The following JAM2 variants were observed in gnomAD, a reference collection of about 807,000 sequenced individuals.
JAM2 encodes junctional adhesion molecule 2.
A neutral mutation model predicts 42.0 loss-of-function variants in JAM2; 17 were observed. The ratio of observed to expected loss-of-function variants is 0.40; its 90% CI spans 0.28 to 0.61. JAM2 has a LOEUF of 0.61. JAM2 is among the 20% of genes least tolerant of loss of function. JAM2 has a pLI of 0.37. For missense variants in JAM2, 319 were observed against 358.3 expected, an observed-to-expected ratio of 0.89 and a Z score of 0.89; for synonymous variants, 118 against 128.6, an observed-to-expected ratio of 0.92 and a Z score of 0.56.
In JAM2 at chr21:25,709,778, G is replaced by A. The variant is rs2034345746; in HGVS notation, c.821+329G>A. 3 of 216,254 alleles carry A rather than the reference G, an allele frequency of 1.4e-5. No homozygotes were observed. In the South Asian group the frequency reaches 4.6e-4, roughly 33 times the overall value. 13.4% of individuals were successfully genotyped at this position (216,254 alleles called of 1,614,324 possible). ...ATGGCTGAAGGCAAAGCGGGAGCAG[G>A]CACGTCACATGGCAAAAGCAGGAGC... On this transcript the variant is annotated intron_variant, in intron 8 of 9. Transcript: ENST00000480456.
chr21:25,698,188 A>C (rs946812919), intron 4 of JAM2, among the ~76,000 whole-genome samples: 3 of 152,220 alleles, frequency 2.0e-5, no homozygotes, highest in African/African-American at 7.2e-5. Flanking sequence ...TTTCTCACTT[A>C]AGTAAAGCCT....
At position 25,689,945 on chromosome 21, in the gene JAM2, C is replaced by T; in HGVS notation, c.213C>T (p.Ser71=). ...LEWKKLGRSV[S]FVYYQQTLQG... is the part of the protein sequence containing the mutation. Reference sequence around the variant, plus strand: ...GGAAGAAACTGGGTCGGAGTGTCTCCTTTGTCTACTATCAACAGACTCTTC... The same window carrying T: ...GGAAGAAACTGGGTCGGAGTGTCTCTTTTGTCTACTATCAACAGACTCTTC... Residue 71 remains serine (S), a synonymous_variant, in exon 3 of 10, where the codon TCC becomes TCT. Coordinates refer to ENST00000480456, the MANE Select transcript of JAM2 (RefSeq NM_021219.4). 6.2e-7 allele frequency: 1 copy of T among 1,612,152 alleles called. No individual in the cohort carries two copies. Among genetic ancestry groups the T allele is most frequent in the Non-Finnish European group, 8.5e-7 (1 of 1,178,368 alleles).
At chr21:25,694,015 C>T (rs1311756382) in intron 4 of JAM2, 107 bp downstream of exon 4, 2 of 1,054,682 alleles carry the variant, frequency 1.9e-6, no homozygotes, top group East Asian at 5.1e-5. Context: ...CAACTGGGAG[C>T]CTCAACCAGT....
rs2033155952 is a variant in JAM2 at position 25,664,053 on chromosome 21, T to C, written c.68-19830T>C. On this transcript the variant is annotated intron_variant, in intron 1 of 9. Transcript: ENST00000480456. ...CTTAATGTAGGAAAGAACCCCACTA[T>C]GATTCTCCAAGGAAACTTCTTGAAA... Among the ~76,000 whole-genome samples the C allele has an allele frequency of 2.0e-5, 3 of 152,180 alleles. No individual in the cohort carries two copies. In the South Asian group the frequency reaches 6.2e-4, roughly 32 times the overall value.
chr21:25,687,327 G>A (rs1396212069), intron 2 of JAM2, among the ~76,000 whole-genome samples: 1 of 152,070 alleles, frequency 6.6e-6, no homozygotes, highest in African/African-American at 2.4e-5. Flanking sequence ...TTACAGATGT[G>A]GATATAATGT....
chr21:25,698,713 C>G lies in JAM2; in HGVS notation c.431C>G (p.Ser144Cys), dbSNP rs2123398821. The G allele has an allele frequency of 6.2e-7, 1 of 1,614,180 alleles. No homozygotes were observed. Among genetic ancestry groups the G allele is most frequent in the East Asian group, 2.2e-5 (1 of 44,886 alleles). ...PAVPSCEVPS[S>C]ALSGTVVELR... ...GTTCCATCATGTGAAGTACCCTCTT[C>G]TGCTCTGAGTGGAACTGTGGTAGAG... The change falls in exon 5 of 10, where the codon TCT (serine) becomes TGT (cysteine). Residue 144 changes from serine to cysteine, a missense_variant. Coordinates refer to ENST00000480456, the MANE Select transcript of JAM2 (RefSeq NM_021219.4).
chr21:25,689,689 G>A (rs2033833562), intron 2 of JAM2, among the ~76,000 whole-genome samples, 177 bp from the exon 3 acceptor site: 1 of 152,198 alleles, frequency 6.6e-6, no homozygotes, highest in Non-Finnish European at 1.5e-5. Context: ...CAGTTACTAT[G>A]TGGAAGAGCT....
Position 25,716,777 on chromosome 21 carries a change from C to T in JAM2, c.*2105C>T, listed in dbSNP as rs2034488345. On this transcript the variant is annotated 3_prime_UTR_variant, in exon 10 of 10. Coordinates refer to ENST00000480456, the MANE Select transcript of JAM2 (RefSeq NM_021219.4). ...CATGGTGGTGAAGTACAGAAAAAAA[C>T]ACCTGTCTACAAGCTTTTGTAAGAA... 6.6e-6 allele frequency: 1 copy of T among 152,172 alleles called. No individual in the cohort carries two copies. Among genetic ancestry groups the T allele is most frequent in the Non-Finnish European group, 1.5e-5 (1 of 68,036 alleles). The allele number at this position is 152,172 out of a possible 1,614,324, so 9.4% of individuals were successfully genotyped here.
chr21:25,715,871 A>C lies in JAM2; in HGVS notation c.*1199A>C, dbSNP rs1193430944. On this transcript the variant is annotated 3_prime_UTR_variant, in exon 10 of 10. Transcript: ENST00000480456. Reference sequence around the variant, plus strand: ...ATTTGTAACTTCTTTTAATTACTGAATTGATATTAAAAACAAAATATGGCT... The same window carrying C: ...ATTTGTAACTTCTTTTAATTACTGACTTGATATTAAAAACAAAATATGGCT... 6.6e-6 allele frequency: 1 copy of C among 152,144 alleles called. No individual in the cohort carries two copies. The highest frequency in any genetic ancestry group is 1.5e-5 in the Non-Finnish European group (1 of 68,012). 9.4% of individuals were successfully genotyped at this position (152,144 alleles called of 1,614,324 possible). A position where few individuals can be genotyped will look rare whatever the true frequency, so the allele number is the denominator to read the frequency against.
In JAM2 at chr21:25,714,823, GAACTTGCTATTTTA is replaced by G. The variant is rs2034450976; in HGVS notation, c.*155_*168del. 3 of 507,052 alleles carry G rather than the reference GAACTTGCTATTTTA, an allele frequency of 5.9e-6. No individual in the cohort carries two copies. Among genetic ancestry groups the G allele is most frequent in the Non-Finnish European group, 7.0e-6 (2 of 286,096 alleles). 31.4% of individuals were successfully genotyped at this position (507,052 alleles called of 1,614,324 possible). A position where few individuals can be genotyped will look rare whatever the true frequency, so the allele number is the denominator to read the frequency against. ...AATTTTCATGACTACTAACTCACCT[GAACTTGCTATTTTA>G]AACAAATAGTTCTGTCGACACCTAA... On this transcript the variant is annotated 3_prime_UTR_variant, in exon 10 of 10. Coordinates refer to ENST00000480456, the MANE Select transcript of JAM2 (RefSeq NM_021219.4).
chr21:25,654,036 C>G (rs1275073249), intron 1 of JAM2, among the ~76,000 whole-genome samples: 2 of 152,136 alleles, frequency 1.3e-5, no homozygotes, highest in Non-Finnish European at 2.9e-5. Flanking sequence ...TTAACTAGGT[C>G]AGTTACTCCT....
At chr21:25,649,228 A>C (rs1470699878) in intron 1 of JAM2, among the ~76,000 whole-genome samples, 1 of 152,184 alleles carries the variant, frequency 6.6e-6, no homozygotes. Flanking sequence ...GTGTGTTCTC[A>C]CGCTGCTGTA....
chr21:25,681,105 T>C (rs997680125), intron 1 of JAM2, among the ~76,000 whole-genome samples: 1 of 152,234 alleles, frequency 6.6e-6, no homozygotes, highest in Non-Finnish European at 1.5e-5. Context: ...AAGTAAACTA[T>C]AGAAATATAT....
intron 6 of JAM2, among the ~76,000 whole-genome samples, chr21:25,705,713 A>T (rs1355622793): frequency 6.6e-6 from 1 of 152,214 alleles, no homozygotes; most frequent in African/African-American, 2.4e-5. Context: ...CACATCTCCA[A>T]ATGAATGCAA....
chr21:25,697,970 C>G (rs1264230832), intron 4 of JAM2, among the ~76,000 whole-genome samples: 3 of 151,858 alleles, frequency 2.0e-5, no homozygotes, highest in Non-Finnish European at 4.4e-5. Context: ...CTCGCTCTCT[C>G]TCACACACAC....
At chr21:25,685,892 G>T (rs2033741794) in intron 2 of JAM2, among the ~76,000 whole-genome samples, 1 of 152,200 alleles carries the variant, frequency 6.6e-6, no homozygotes, top group Non-Finnish European at 1.5e-5. Context: ...TTTCTTGGAG[G>T]TTCTTAATGC....
At chr21:25,713,627 T>A (rs1446115884) in intron 9 of JAM2, among the ~76,000 whole-genome samples, 1 of 152,132 alleles carries the variant, frequency 6.6e-6, no homozygotes, top group African/African-American at 2.4e-5. Context: ...TCTGTAAAAA[T>A]TTGATTTTCA....
At chr21:25,651,159 T>C (rs139068912) in intron 1 of JAM2, among the ~76,000 whole-genome samples, 214 of 148,130 alleles carry the variant, frequency 1.4e-3, no homozygotes, top group African/African-American at 5.1e-3. Flanking sequence ...TAAAACACCC[T>C]AAACAAATCC....
intron 1 of JAM2, among the ~76,000 whole-genome samples, chr21:25,678,715 T>C (rs1184408279): frequency 6.6e-6 from 1 of 152,248 alleles, no homozygotes; most frequent in African/African-American, 2.4e-5. Context: ...CTATTGAATA[T>C]GTTTGCCATT....
Sources: gnomAD v4.1 joint callset for allele counts (sites outside exome capture counted in the v4.1 genomes callset) on GRCh38, gnomAD v4.1.1 for gene constraint, MANE v1.5 for transcripts, NCBI Gene and HGNC (gene_info 2026-07-23, HGNC 2026-07-21) for gene names.